Variants in RHOBTB1 observed in about 807,000 individuals in gnomAD.
The protein encoded by RHOBTB1 is rho-related BTB domain-containing protein 1.
RHOBTB1 carries 40 observed loss-of-function variants against 71.6 expected under a neutral mutation model. The ratio of observed to expected loss-of-function variants is 0.56; its 90% CI spans 0.43 to 0.73. RHOBTB1 has a LOEUF of 0.73. Among genes scored for constraint, RHOBTB1 ranks in the 30% least tolerant of loss-of-function variants. The probability of loss-of-function intolerance (pLI) is 0.00; values close to 1 mark genes in which losing one functional copy is unlikely to be tolerated. For synonymous variants in RHOBTB1, 319 were observed against 334.9 expected, an observed-to-expected ratio of 0.95 and a Z score of 0.52; for missense variants, 797 against 894.0, an observed-to-expected ratio of 0.89 and a Z score of 1.38.
At chr10:60,883,989 A>AT (rs1281019119) in intron 7 of RHOBTB1, among the ~76,000 whole-genome samples, 3 of 152,128 alleles carry the variant, frequency 2.0e-5, no homozygotes, top group Non-Finnish European at 4.4e-5. Context: ...CTCAGGAGAG[A>AT]TTTTCATTAG....
At chr10:60,897,001 G>A (rs2082191000) in intron 4 of RHOBTB1, among the ~76,000 whole-genome samples, 1 of 151,964 alleles carries the variant, frequency 6.6e-6, no homozygotes, top group Non-Finnish European at 1.5e-5. Context: ...TATCTTTCGA[G>A]GGGAACACTG....
intron 1 of RHOBTB1, among the ~76,000 whole-genome samples, chr10:60,996,993 T>C (rs2087074879): frequency 6.6e-6 from 1 of 151,648 alleles, no homozygotes; most frequent in Non-Finnish European, 1.5e-5. Flanking sequence ...ATTTTTGTGG[T>C]CCAATAGAAA....
At chr10:60,935,784 T>C (rs1247657006) in intron 2 of RHOBTB1, among the ~76,000 whole-genome samples, 3 of 152,214 alleles carry the variant, frequency 2.0e-5, no homozygotes, top group Non-Finnish European at 4.4e-5. Flanking sequence ...TATTTCTATT[T>C]ACTATTAACT....
intron 8 of RHOBTB1, among the ~76,000 whole-genome samples, chr10:60,875,350 T>G (rs1214515250): frequency 2.0e-5 from 3 of 152,172 alleles, no homozygotes; most frequent in Non-Finnish European, 2.9e-5. Flanking sequence ...TATTTAAACT[T>G]AAATTACTTA....
At chr10:60,917,103 A>C (rs147465147) in intron 2 of RHOBTB1, among the ~76,000 whole-genome samples, 5 of 152,344 alleles carry the variant, frequency 3.3e-5, no homozygotes, top group African/African-American at 4.8e-5. Flanking sequence ...TCAGAACTAT[A>C]AGAAAATAAA....
At chr10:60,921,203 C>T (rs1443775344) in intron 2 of RHOBTB1, among the ~76,000 whole-genome samples, 1 of 152,156 alleles carries the variant, frequency 6.6e-6, no homozygotes, top group Admixed American at 6.5e-5. Flanking sequence ...CTTCCTTGGC[C>T]TCCCAAAGTG....
chr10:60,925,041 C>T (rs2083788496), intron 2 of RHOBTB1, among the ~76,000 whole-genome samples: 1 of 152,164 alleles, frequency 6.6e-6, no homozygotes, highest in African/African-American at 2.4e-5. Flanking sequence ...CTCTTGCTCT[C>T]AGTTCACACA....
At chr10:60,923,394 A>G (rs2083677876) in intron 2 of RHOBTB1, among the ~76,000 whole-genome samples, 1 of 152,240 alleles carries the variant, frequency 6.6e-6, no homozygotes, top group Non-Finnish European at 1.5e-5. Flanking sequence ...CAAGATAAAG[A>G]CCAAGTACAA....
chr10:60,978,305 T>G (rs1345507831), intron 2 of RHOBTB1, among the ~76,000 whole-genome samples: 1 of 152,134 alleles, frequency 6.6e-6, no homozygotes, highest in Non-Finnish European at 1.5e-5. Flanking sequence ...TGAGACAAAG[T>G]TCCTGGCTGT....
chr10:60,945,830 C>G (rs2085203715), upstream of RHOBTB1, among the ~76,000 whole-genome samples: 2 of 152,286 alleles, frequency 1.3e-5, no homozygotes, highest in East Asian at 3.9e-4. Context: ...AAGTCAAGTA[C>G]AGGTGTCTAC....
At position 60,871,189 on chromosome 10, in the gene RHOBTB1, T is replaced by C. The variant is rs1301241647; in HGVS notation, c.*293A>G. 1.5e-5 allele frequency: 4 copies of C among 273,902 alleles called. No individual in the cohort carries two copies. Among genetic ancestry groups the C allele is most frequent in the Non-Finnish European group, 2.7e-5 (4 of 147,680 alleles). 17.0% of individuals were successfully genotyped at this position (273,902 alleles called of 1,614,324 possible). A position where few individuals can be genotyped will look rare whatever the true frequency, so the allele number is the denominator to read the frequency against. On this transcript the variant is annotated 3_prime_UTR_variant, in exon 11 of 11. Coordinates refer to ENST00000337910, the MANE Select transcript of RHOBTB1 (RefSeq NM_014836.5). Reference sequence around the variant, plus strand: ...GAAAGCTGAATTTTTTTTCTTTGTATAAAAAGAAACAAAATAACAGACTAA... The same window carrying C: ...GAAAGCTGAATTTTTTTTCTTTGTACAAAAAGAAACAAAATAACAGACTAA...
the RHOBTB1 span, among the ~76,000 whole-genome samples, chr10:60,863,093 G>A: frequency 5.3e-5 from 8 of 152,114 alleles, no homozygotes; most frequent in African/African-American, 1.9e-4. Context: ...TGATGGGGGT[G>A]GTGGAGAACT....
At chr10:60,981,805 T>C (rs1336891905) in intron 2 of RHOBTB1, among the ~76,000 whole-genome samples, 1 of 152,172 alleles carries the variant, frequency 6.6e-6, no homozygotes, top group Non-Finnish European at 1.5e-5. Flanking sequence ...GTTTCGCTTT[T>C]GTTGCCCAAG....
intron 3 of RHOBTB1, 23 bp from the exon 4 acceptor site, chr10:60,911,013 CTG>C: frequency 1.3e-6 from 2 of 1,582,128 alleles, no homozygotes; most frequent in Non-Finnish European, 8.7e-7. Flanking sequence ...GAGAGAGCAT[CTG>C]TGCTCGGTGT....
chr10:60,950,502 A>T (rs1015009396), intron 2 of RHOBTB1, among the ~76,000 whole-genome samples: 3 of 152,216 alleles, frequency 2.0e-5, no homozygotes, highest in Admixed American at 1.3e-4. Flanking sequence ...GATTAAAGGG[A>T]TCAGAGGGTA....
At chr10:60,871,961 T>C (rs1360932459) in intron 10 of RHOBTB1, 2 of 620,818 alleles carry the variant, frequency 3.2e-6, no homozygotes, top group Non-Finnish European at 5.7e-6. Context: ...CAGGGCACCC[T>C]GGACTCTAGC....
intron 2 of RHOBTB1, among the ~76,000 whole-genome samples, chr10:60,939,688 C>A (rs1350941765): frequency 6.6e-6 from 1 of 152,096 alleles, no homozygotes; most frequent in African/African-American, 2.4e-5. Context: ...AAACATGGAG[C>A]CAGAGGGAAA....
chr10:60,875,910 T>C (rs2132271345), intron 8 of RHOBTB1, among the ~76,000 whole-genome samples: 1 of 152,320 alleles, frequency 6.6e-6, no homozygotes, highest in African/African-American at 2.4e-5. Context: ...GGCTCAGCAT[T>C]TCTAGGTCTT....
At chr10:60,894,483 G>A (rs1280686154) in intron 4 of RHOBTB1, among the ~76,000 whole-genome samples, 2 of 152,218 alleles carry the variant, frequency 1.3e-5, no homozygotes, top group East Asian at 3.9e-4. Flanking sequence ...TCTTGTCTTT[G>A]GGATTCTGAT....
Sources: allele counts gnomAD v4.1 joint callset (sites outside exome capture counted in the v4.1 genomes callset), GRCh38; gene constraint gnomAD v4.1.1; transcripts MANE v1.5; gene names NCBI Gene and HGNC (gene_info 2026-07-23, HGNC 2026-07-21).